ADAMTSL1: variants seen among roughly 807,000 people sequenced by gnomAD.
ADAMTSL1 encodes ADAMTS-like protein 1.
Under a neutral mutation model 201.8 loss-of-function variants are expected in ADAMTSL1, and 126 were observed. That is an observed-to-expected ratio of 0.62 (90% CI 0.54 to 0.72). The LOEUF (loss-of-function observed/expected upper bound fraction) is 0.72. Ranked by LOEUF, ADAMTSL1 falls within the 30% of genes least tolerant of loss-of-function variation. The probability of loss-of-function intolerance (pLI) is 0.00; values close to 1 mark genes in which losing one functional copy is unlikely to be tolerated. For synonymous variants in ADAMTSL1, 1,121 were observed against 903.4 expected (o/e 1.24, Z -4.32); for missense variants, 2,679 against 2,277.8 (o/e 1.18, Z -3.59).
At chr9:18,510,534 G>C (rs1817964447) in intron 2 of ADAMTSL1, among the ~76,000 whole-genome samples, 1 of 152,140 alleles carries the variant, frequency 6.6e-6, no homozygotes, top group Non-Finnish European at 1.5e-5. Context: ...GAGGTTTGCA[G>C]AAAGTAGGCA....
chr9:18,075,084 C>T (rs990170372), intron 1 of ADAMTSL1, among the ~76,000 whole-genome samples: 3 of 152,066 alleles, frequency 2.0e-5, no homozygotes, highest in African/African-American at 7.2e-5. Flanking sequence ...CTCTTTCCTA[C>T]ACTCCTCACT....
intron 1 of ADAMTSL1, among the ~76,000 whole-genome samples, chr9:18,103,202 A>AT (rs201547338): frequency 6.4e-4 from 96 of 151,156 alleles, no homozygotes; most frequent in Non-Finnish European, 8.0e-4. Flanking sequence ...AGAAAAACAC[A>AT]TTTTTTTTTC....
intron 15 of ADAMTSL1, among the ~76,000 whole-genome samples, chr9:18,744,968 C>T (rs1332704): frequency 0.48 from 73,372 of 151,992 alleles, 18,050 homozygotes; most frequent in South Asian, 0.59. Flanking sequence ...CTTAGTACCT[C>T]ATATCAGGAG....
intron 2 of ADAMTSL1, among the ~76,000 whole-genome samples, chr9:18,406,446 A>C (rs1818211541): frequency 6.6e-6 from 1 of 151,778 alleles, no homozygotes; most frequent in African/African-American, 2.4e-5. Flanking sequence ...CTCCTGCCTC[A>C]GCCTCCCACG....
intron 13 of ADAMTSL1, among the ~76,000 whole-genome samples, chr9:18,697,736 G>A (rs1232795307): frequency 6.6e-6 from 1 of 152,156 alleles, no homozygotes; most frequent in East Asian, 1.9e-4. Flanking sequence ...AAATTGAGGG[G>A]TCAAGAATAA....
At chr9:18,216,025 T>G (rs1830044130) in intron 2 of ADAMTSL1, among the ~76,000 whole-genome samples, 1 of 152,182 alleles carries the variant, frequency 6.6e-6, no homozygotes, top group South Asian at 2.1e-4. Context: ...TGAGTCCTCT[T>G]GTAAAACCAC....
At chr9:18,036,145 C>A (rs1371880860) in intron 1 of ADAMTSL1, among the ~76,000 whole-genome samples, 1 of 152,086 alleles carries the variant, frequency 6.6e-6, no homozygotes, top group Non-Finnish European at 1.5e-5. Flanking sequence ...TAAAGAATGA[C>A]AGAAGGAGGA....
At chr9:18,691,721 G>A (rs939255210) in intron 13 of ADAMTSL1, among the ~76,000 whole-genome samples, 1 of 152,168 alleles carries the variant, frequency 6.6e-6, no homozygotes, top group African/African-American at 2.4e-5. Flanking sequence ...GGGACAGAGA[G>A]CTTGTGTTTC....
At chr9:18,640,037 G>T (rs1459631660) in intron 7 of ADAMTSL1, among the ~76,000 whole-genome samples, 1 of 152,130 alleles carries the variant, frequency 6.6e-6, no homozygotes, top group Non-Finnish European at 1.5e-5. Flanking sequence ...CAGCTGTAAA[G>T]CTGTAAAACT....
chr9:18,429,501 A>G (rs1314486369), intron 2 of ADAMTSL1, among the ~76,000 whole-genome samples: 1 of 152,132 alleles, frequency 6.6e-6, no homozygotes, highest in Non-Finnish European at 1.5e-5. Context: ...CTAAACCAAA[A>G]CTTTGACTCT....
At chr9:18,160,195 C>G (rs1827323072) in intron 1 of ADAMTSL1, among the ~76,000 whole-genome samples, 1 of 151,958 alleles carries the variant, frequency 6.6e-6, no homozygotes, top group Admixed American at 6.6e-5. Flanking sequence ...AAAGAGGGGT[C>G]ACTGTTTGAA....
At chr9:18,030,352 A>G (rs7864879) in intron 1 of ADAMTSL1, among the ~76,000 whole-genome samples, 1 of 151,972 alleles carries the variant, frequency 6.6e-6, no homozygotes, top group Non-Finnish European at 1.5e-5. Context: ...AACAATGAGA[A>G]CACATGGACA....
At chr9:18,610,324 C>T (rs553741173) in intron 4 of ADAMTSL1, among the ~76,000 whole-genome samples, 32 of 152,294 alleles carry the variant, frequency 2.1e-4, no homozygotes, top group Admixed American at 1.9e-3. Flanking sequence ...AAGAATCTTA[C>T]ATTAACAACC....
chr9:18,129,702 T>C (rs921462113), intron 1 of ADAMTSL1, among the ~76,000 whole-genome samples: 4 of 152,178 alleles, frequency 2.6e-5, no homozygotes, highest in African/African-American at 4.8e-5. Context: ...ACAATTTTCC[T>C]TCATATTAGA....
chr9:18,692,774 A>G (rs1226372170), intron 13 of ADAMTSL1, among the ~76,000 whole-genome samples: 1 of 152,238 alleles, frequency 6.6e-6, no homozygotes, highest in Non-Finnish European at 1.5e-5. Context: ...CATTTAAACT[A>G]CATTCCAATA....
intron 14 of ADAMTSL1, among the ~76,000 whole-genome samples, chr9:18,714,543 CAGG>C (rs1436619432): frequency 3.6e-5 from 2 of 55,470 alleles, no homozygotes; most frequent in Non-Finnish European, 9.7e-5. Context: ...AAGACTAAAC[CAGG>C]AAGAAGTTGA....
rs759842588 is a variant in ADAMTSL1, at chr9:18,880,295, G to T, written c.4250-7536G>T. The stretch of plus-strand genomic sequence containing the variant: ...CATCTAGAATGATGAATCCTTTCCA[G>T]AACATTTTCTATTTACTTTTCCCAG... On this transcript the variant is annotated intron_variant, in intron 23 of 28. Transcript: ENST00000380548. Among the ~76,000 whole-genome samples, 42 of 152,094 alleles carry T rather than the reference G, an allele frequency of 2.8e-4. 1 individual carries two copies. Among genetic ancestry groups the T allele is most frequent in the Non-Finnish European group, 5.7e-4 (39 of 68,008 alleles).
intron 2 of ADAMTSL1, among the ~76,000 whole-genome samples, chr9:18,194,745 G>A (rs1204853459): frequency 1.3e-5 from 2 of 152,026 alleles, no homozygotes; most frequent in Non-Finnish European, 2.9e-5. Flanking sequence ...GAGAAGCAGT[G>A]CTCCCCTGTC....
chr9:17,952,564 A>T (rs952199820), intron 1 of ADAMTSL1, among the ~76,000 whole-genome samples: 5 of 152,110 alleles, frequency 3.3e-5, no homozygotes, highest in African/African-American at 1.2e-4. Context: ...ACTTAAAAAA[A>T]GTTCCTGCCT....
Sources: gnomAD v4.1 joint callset for allele counts (sites outside exome capture counted in the v4.1 genomes callset) on GRCh38, gnomAD v4.1.1 for gene constraint, MANE v1.5 for transcripts, NCBI Gene and HGNC (gene_info 2026-07-23, HGNC 2026-07-21) for gene names.